IL7: variants seen among roughly 807,000 people sequenced by gnomAD.
IL7 encodes interleukin-7.
Under a neutral mutation model 21.6 loss-of-function variants are expected in IL7, and 3 were observed. The ratio of observed to expected loss-of-function variants is 0.14; its 90% CI spans 0.06 to 0.36. The LOEUF (loss-of-function observed/expected upper bound fraction) is 0.36, where lower values mean the gene tolerates loss of function less well. Among genes scored for constraint, IL7 ranks in the 10% least tolerant of loss-of-function variants. The pLI is 1.00. For missense variants in IL7, 175 were observed against 200.2 expected (o/e 0.87, Z 0.76); for synonymous variants, 62 against 68.1 (o/e 0.91, Z 0.44).
chr8:78,715,897 G>A (rs117190951), downstream of IL7, among the ~76,000 whole-genome samples: 3,550 of 151,374 alleles, frequency 0.023, 70 homozygotes, highest in Middle Eastern at 0.075. Flanking sequence ...AAAATTAGCC[G>A]GTTGTGGTGT....
At chr8:78,796,479 T>C (rs977406680) in intron 2 of IL7, among the ~76,000 whole-genome samples, 7 of 151,954 alleles carry the variant, frequency 4.6e-5, no homozygotes, top group Non-Finnish European at 1.0e-4. Context: ...GTTGTCACAG[T>C]AATACTCATT....
intron 5 of IL7, among the ~76,000 whole-genome samples, chr8:78,736,150 A>G (rs956436574): frequency 4.6e-5 from 7 of 151,046 alleles, no homozygotes; most frequent in African/African-American, 1.7e-4. Flanking sequence ...TGTATTTGTC[A>G]TCTAGTTTAT....
chr8:78,762,332 T>C (rs988496689), intron 2 of IL7: 2 of 1,609,586 alleles, frequency 1.2e-6, no homozygotes, highest in African/African-American at 2.7e-5. Flanking sequence ...CACCCACTTC[T>C]GGCATCTGGC....
intron 5 of IL7, among the ~76,000 whole-genome samples, chr8:78,735,905 T>C (rs1451734483): frequency 6.6e-6 from 1 of 152,036 alleles, no homozygotes; most frequent in African/African-American, 2.4e-5. Context: ...TTTTAAAGTT[T>C]AGTCAGATCC....
intron 6 of IL7, chr8:78,718,919 A>G (rs1332458391): frequency 2.0e-5 from 3 of 151,684 alleles, no homozygotes; most frequent in African/African-American, 7.2e-5. Context: ...CAATGTAAAG[A>G]ATTGTGGCTT....
intron 2 of IL7, among the ~76,000 whole-genome samples, chr8:78,777,004 C>T (rs1011128979): frequency 2.0e-5 from 3 of 151,992 alleles, no homozygotes; most frequent in South Asian, 4.1e-4. Flanking sequence ...TCACATTCCT[C>T]AATACCAATG....
chr8:78,689,417 A>T (rs1563628204), intron 3 of IL7: 2 of 1,496,752 alleles, frequency 1.3e-6, no homozygotes, highest in East Asian at 2.4e-5. Flanking sequence ...AAAATGGCTC[A>T]TGGACATTCA....
At chr8:78,696,386 C>T (rs988847071) in intron 3 of IL7, among the ~76,000 whole-genome samples, 3 of 152,124 alleles carry the variant, frequency 2.0e-5, no homozygotes, top group Non-Finnish European at 4.4e-5. Context: ...GGCTACATTC[C>T]AAGCACATAT....
chr8:78,715,349 C>T, downstream of IL7: 1 of 1,573,618 alleles, frequency 6.4e-7, no homozygotes, highest in Non-Finnish European at 8.6e-7. Flanking sequence ...CTCTGCTCTC[C>T]CAATAACTAA....
downstream of IL7, among the ~76,000 whole-genome samples, chr8:78,714,645 T>C (rs1051781908): frequency 4.6e-5 from 7 of 152,170 alleles, no homozygotes; most frequent in African/African-American, 1.4e-4. Context: ...TGGAGACTCA[T>C]GGATGATCCA....
At chr8:78,796,987 T>C (rs771264994) in intron 2 of IL7, among the ~76,000 whole-genome samples, 1 of 151,994 alleles carries the variant, frequency 6.6e-6, no homozygotes, top group East Asian at 1.9e-4. Context: ...TTCCAAATAT[T>C]GGAAGCAACT....
intron 3 of IL7, among the ~76,000 whole-genome samples, chr8:78,703,973 G>A (rs546011266): frequency 6.6e-6 from 1 of 152,242 alleles, no homozygotes; most frequent in African/African-American, 2.4e-5. Context: ...TGTAAGGCAG[G>A]TCTGGTGGTA....
chr8:78,693,235 G>C (rs1383774980), intron 3 of IL7, among the ~76,000 whole-genome samples: 1 of 152,004 alleles, frequency 6.6e-6, no homozygotes, highest in Non-Finnish European at 1.5e-5. Flanking sequence ...ATAGTCCTTT[G>C]GGTATATACC....
chr8:78,714,365 T>C (rs537571397), downstream of IL7, among the ~76,000 whole-genome samples: 25 of 152,266 alleles, frequency 1.6e-4, no homozygotes, highest in African/African-American at 5.8e-4. Flanking sequence ...GTAAGCACTA[T>C]TATATAAATG....
At chr8:78,764,999 C>G (rs1326235492) in intron 2 of IL7, among the ~76,000 whole-genome samples, 1 of 151,950 alleles carries the variant, frequency 6.6e-6, no homozygotes, top group East Asian at 1.9e-4. Context: ...ATCAATGGAC[C>G]AGAATATGAG....
chr8:78,690,421 G>A (rs749778248), intron 3 of IL7, among the ~76,000 whole-genome samples: 2 of 152,030 alleles, frequency 1.3e-5, no homozygotes, highest in African/African-American at 2.4e-5. Flanking sequence ...TTAGCTGGAC[G>A]TGGTGGCGGG....
chr8:78,756,594 T>C (rs1812356255), intron 2 of IL7, among the ~76,000 whole-genome samples: 1 of 151,940 alleles, frequency 6.6e-6, no homozygotes, highest in African/African-American at 2.4e-5. Context: ...GTTTTCCAAT[T>C]TGTTAGTGTA....
chr8:78,731,272 C>T (rs1054640881), downstream of IL7, among the ~76,000 whole-genome samples: 5 of 151,918 alleles, frequency 3.3e-5, no homozygotes, highest in East Asian at 1.9e-4. Flanking sequence ...TACTTTTAAC[C>T]GTAACTCTTT....
downstream of IL7, among the ~76,000 whole-genome samples, chr8:78,731,366 T>G (rs1475395502): frequency 1.3e-5 from 2 of 151,994 alleles, no homozygotes; most frequent in Non-Finnish European, 2.9e-5. Context: ...GGATTTTTAA[T>G]GTAAAAATGT....
Sources: allele counts gnomAD v4.1 joint callset (sites outside exome capture counted in the v4.1 genomes callset), GRCh38; gene constraint gnomAD v4.1.1; transcripts MANE v1.5; gene names NCBI Gene and HGNC (gene_info 2026-07-23, HGNC 2026-07-21).